Variants in SRGAP3 observed in about 807,000 individuals in gnomAD.
SRGAP3 encodes SLIT-ROBO Rho GTPase activating protein 3, also known as SLIT-ROBO Rho GTPase-activating protein 3.
A neutral mutation model predicts 121.1 loss-of-function variants in SRGAP3; 39 were observed. That is an observed-to-expected ratio of 0.32 (90% confidence interval 0.25 to 0.42). SRGAP3 has a LOEUF of 0.42. Among genes scored for constraint, SRGAP3 ranks in the 10% least tolerant of loss-of-function variants. The pLI, the probability that SRGAP3 is intolerant of heterozygous loss-of-function variation, is 1.00. For missense variants in SRGAP3, 1,213 were observed against 1,470.6 expected (o/e 0.82, Z 2.86); for synonymous variants, 601 against 570.0 (o/e 1.05, Z -0.77).
Position 9,070,530 on chromosome 3 carries a change from T to C in SRGAP3, c.487-5949A>G, listed in dbSNP as rs142997112. Among the ~76,000 whole-genome samples the C allele has an allele frequency of 2.9e-3, 441 of 152,348 alleles. 2 individuals are homozygous for C. The highest frequency in any genetic ancestry group is 9.9e-3 in the African/African-American group (413 of 41,586). ...TGAATGAATGACTGGCTGGGCTGGC[T>C]GGATCAACAGATCAAAAGATCAGTG... is the stretch of plus-strand genomic sequence containing the variant. On this transcript the variant is annotated intron_variant, in intron 4 of 21. Coordinates refer to ENST00000383836, the MANE Select transcript of SRGAP3 (RefSeq NM_014850.4).
chr3:9,079,453 A>G (rs1453895692), intron 4 of SRGAP3, among the ~76,000 whole-genome samples: 5 of 152,170 alleles, frequency 3.3e-5, no homozygotes, highest in Non-Finnish European at 5.9e-5. Flanking sequence ...GCACAGTTAG[A>G]TGTTGACTCC....
intron 3 of SRGAP3, among the ~76,000 whole-genome samples, chr3:9,283,498 G>A (rs1289864020): frequency 6.6e-6 from 1 of 152,086 alleles, no homozygotes; most frequent in Non-Finnish European, 1.5e-5. Context: ...CATAATTTAA[G>A]TCTTTAAGTA....
chr3:9,039,279 TCTC>T (rs1205311267), intron 10 of SRGAP3, among the ~76,000 whole-genome samples: 1 of 152,162 alleles, frequency 6.6e-6, no homozygotes, highest in Non-Finnish European at 1.5e-5. Context: ...GTTTCTCCTG[TCTC>T]CTCCTCATTC....
At chr3:9,346,945 G>A (rs1167993027) in intron 1 of SRGAP3, among the ~76,000 whole-genome samples, 1 of 151,822 alleles carries the variant, frequency 6.6e-6, no homozygotes, top group Non-Finnish European at 1.5e-5. Flanking sequence ...TAGTAGAGAT[G>A]GGGTTTTACC....
At chr3:9,016,405 A>G (rs1574913378) in intron 14 of SRGAP3, among the ~76,000 whole-genome samples, 1 of 151,918 alleles carries the variant, frequency 6.6e-6, no homozygotes, top group Admixed American at 6.6e-5. Flanking sequence ...AATGCCTCAC[A>G]CTCTGGATTT....
chr3:9,040,098 T>A (rs769333380), intron 10 of SRGAP3, among the ~76,000 whole-genome samples: 2 of 152,204 alleles, frequency 1.3e-5, no homozygotes, highest in Non-Finnish European at 2.9e-5. Flanking sequence ...AACACTATCT[T>A]CTTAGTCCAT....
At position 8,993,015 on chromosome 3, in the gene SRGAP3, T is replaced by C. The variant is rs968293526; in HGVS notation, c.2449A>G (p.Ser817Gly). ...AGCAATGGCCCACTGCTGGCCTCGC[T>C]GTCAGCCTTCTGGCTCAGGCTGTCG... Reference protein sequence around the residue: ...FSDSLSQKADSEASSGPLLDD... With the variant: ...FSDSLSQKADGEASSGPLLDD... Residue 817 changes from serine to glycine, a missense_variant, in exon 20 of 22, where the codon AGC becomes GGC. Transcript: ENST00000383836. 5 of 1,614,268 alleles carry C rather than the reference T, an allele frequency of 3.1e-6. No homozygotes were observed. Among genetic ancestry groups the C allele is most frequent in the Non-Finnish European group, 4.2e-6 (5 of 1,180,050 alleles).
At chr3:9,240,387 G>A (rs749448911) in intron 1 of SRGAP3, among the ~76,000 whole-genome samples, 23 of 152,054 alleles carry the variant, frequency 1.5e-4, no homozygotes, top group African/African-American at 4.8e-4. Context: ...AGTCAACCCC[G>A]TCCCTTCCTA....
At chr3:9,203,672 G>C (rs930833947) in intron 1 of SRGAP3, among the ~76,000 whole-genome samples, 6 of 152,192 alleles carry the variant, frequency 3.9e-5, no homozygotes, top group African/African-American at 7.2e-5. Flanking sequence ...TAAGGGGATG[G>C]AATGTGTTTA....
At chr3:9,069,848 G>A (rs1946616421) in intron 4 of SRGAP3, among the ~76,000 whole-genome samples, 1 of 152,230 alleles carries the variant, frequency 6.6e-6, no homozygotes, top group African/African-American at 2.4e-5. Context: ...TCAGGAGGCT[G>A]AGGCAGGAGA....
chr3:9,026,076 C>A (rs1356454104), intron 13 of SRGAP3, among the ~76,000 whole-genome samples: 3 of 152,170 alleles, frequency 2.0e-5, no homozygotes, highest in African/African-American at 7.2e-5. Flanking sequence ...GCCACACTGA[C>A]CTTCCTCCCC....
At chr3:9,099,754 C>T (rs933438854) in intron 3 of SRGAP3, among the ~76,000 whole-genome samples, 11 of 152,212 alleles carry the variant, frequency 7.2e-5, no homozygotes, top group African/African-American at 1.9e-4. Context: ...CCTACTGAAT[C>T]GGAAACTGTG....
intron 3 of SRGAP3, among the ~76,000 whole-genome samples, chr3:9,102,091 C>T (rs1317076985): frequency 6.6e-6 from 1 of 152,254 alleles, no homozygotes; most frequent in Non-Finnish European, 1.5e-5. Flanking sequence ...TCTCCCGCAG[C>T]CTCACTGCCA....
chr3:9,170,987 C>T (rs564153876), intron 1 of SRGAP3, among the ~76,000 whole-genome samples: 35 of 152,346 alleles, frequency 2.3e-4, no homozygotes, highest in African/African-American at 7.2e-4. Flanking sequence ...GGACAGCGCA[C>T]GCATCTGAGG....
chr3:9,305,355 G>C (rs970378950), intron 3 of SRGAP3, among the ~76,000 whole-genome samples: 1 of 146,416 alleles, frequency 6.8e-6, no homozygotes, highest in African/African-American at 2.5e-5. Context: ...CCTCACAGGA[G>C]GTCCTCTCTT....
At chr3:8,987,869 G>A (rs1359901738) in intron 21 of SRGAP3, among the ~76,000 whole-genome samples, 1 of 152,100 alleles carries the variant, frequency 6.6e-6, no homozygotes, top group Non-Finnish European at 1.5e-5. Flanking sequence ...GGCTTTCCTG[G>A]AGCCGAGCCG....
At chr3:9,348,885 T>C in intron 1 of SRGAP3, 1 of 1,123,304 alleles carries the variant, frequency 8.9e-7, no homozygotes, top group African/African-American at 1.5e-5. Flanking sequence ...GAAGATCAGC[T>C]ACCCTCCTGT....
In SRGAP3 at chr3:8,981,305, T is replaced by C. The variant is rs1399076726; in HGVS notation, c.*4214A>G. ...AAAATCAGCTAGGCAACACCTCGGC[T>C]CACCCCTTTCTGCCTTTCCTCCTGG... On this transcript the variant is annotated 3_prime_UTR_variant, in exon 22 of 22. Transcript: ENST00000383836. 1 of 232,920 alleles carries C rather than the reference T, an allele frequency of 4.3e-6. No homozygotes were observed. The highest frequency in any genetic ancestry group is 8.5e-6 in the Non-Finnish European group (1 of 117,964). The allele number at this position is 232,920 out of a possible 1,614,324, so 14.4% of individuals were successfully genotyped here.
rs143002013 is a variant in SRGAP3 at position 9,163,955 on chromosome 3, A to G, written c.68-39038T>C. 4.4e-3 allele frequency among the ~76,000 whole-genome samples: 620 copies of G among 141,814 alleles called. 4 individuals are homozygous for G. Among genetic ancestry groups the G allele is most frequent in the African/African-American group, 0.016 (591 of 37,384 alleles). The allele number at this position is 141,814 out of a possible 152,430, so 93.0% of individuals were successfully genotyped here. A position where few individuals can be genotyped will look rare whatever the true frequency, so the allele number is the denominator to read the frequency against. ...CCGTATGAAGCTCCTCAGATGTAGCATCTCCTTTAATGCTCCCAGCAACTA... is the reference window on the plus strand; with the variant it reads ...CCGTATGAAGCTCCTCAGATGTAGCGTCTCCTTTAATGCTCCCAGCAACTA... On this transcript the variant is annotated intron_variant, in intron 1 of 21. Transcript: ENST00000383836.
Sources: gnomAD v4.1 joint callset for allele counts (sites outside exome capture counted in the v4.1 genomes callset) on GRCh38, gnomAD v4.1.1 for gene constraint, MANE v1.5 for transcripts, NCBI Gene and HGNC (gene_info 2026-07-23, HGNC 2026-07-21) for gene names.